Variants in VWC2 observed in about 807,000 individuals in gnomAD.
VWC2 encodes the protein von Willebrand factor C domain containing 2.
In VWC2, 14 loss-of-function variants were observed where a neutral mutation model predicts 29.8. The observed-to-expected ratio is 0.47, with a 90% CI of 0.31 to 0.74. The LOEUF is 0.74. Ranked by LOEUF, VWC2 falls within the 30% of genes least tolerant of loss-of-function variation. The probability of loss-of-function intolerance (pLI) is 0.05; values close to 1 mark genes in which losing one functional copy is unlikely to be tolerated. For synonymous variants in VWC2, 213 were observed against 199.0 expected (o/e 1.07, Z -0.59); for missense variants, 457 against 459.8 (o/e 0.99, Z 0.05).
At chr7:49,818,641 C>A (rs1583648625) in intron 3 of VWC2, among the ~76,000 whole-genome samples, 1 of 151,762 alleles carries the variant, frequency 6.6e-6, no homozygotes, top group South Asian at 2.1e-4. Flanking sequence ...TCTGGCTAGA[C>A]CTGCTGCCGG....
chr7:49,789,035 T>G (rs1245660289), intron 2 of VWC2, among the ~76,000 whole-genome samples: 3 of 143,764 alleles, frequency 2.1e-5, no homozygotes, highest in African/African-American at 8.4e-5. Context: ...AGCGTGTGGG[T>G]GCATGTGTGA....
chr7:49,921,194 G>A lies in VWC2; in HGVS notation c.*9009G>A, dbSNP rs954861432. 7.2e-5 allele frequency: 11 copies of A among 152,230 alleles called. No individual in the cohort carries two copies. Among genetic ancestry groups the A allele is most frequent in the African/African-American group, 2.4e-4 (10 of 41,444 alleles). The allele number at this position is 152,230 out of a possible 1,614,324, so 9.4% of individuals were successfully genotyped here. On this transcript the variant is annotated 3_prime_UTR_variant, in exon 4 of 4. Transcript: ENST00000340652. ...AGAGGAGAGCAAACTGATCAAAAGGGAATGCCCATGATGCTTTCAGGAAAC... is the reference window on the plus strand; with the variant it reads ...AGAGGAGAGCAAACTGATCAAAAGGAAATGCCCATGATGCTTTCAGGAAAC...
At chr7:49,878,011 T>C (rs144599509) in intron 3 of VWC2, among the ~76,000 whole-genome samples, 10 of 152,232 alleles carry the variant, frequency 6.6e-5, no homozygotes, top group Admixed American at 2.0e-4. Flanking sequence ...GGATGACTGA[T>C]GGTCTTTTAT....
At chr7:49,873,838 T>C (rs1791281738) in intron 3 of VWC2, among the ~76,000 whole-genome samples, 2 of 151,764 alleles carry the variant, frequency 1.3e-5, no homozygotes, top group African/African-American at 4.8e-5. Context: ...GGAATATTCA[T>C]ATAATGTACT....
intron 2 of VWC2, among the ~76,000 whole-genome samples, chr7:49,794,906 C>G (rs1788550985): frequency 6.6e-6 from 1 of 152,194 alleles, no homozygotes; most frequent in South Asian, 2.1e-4. Context: ...TACTTCCAGC[C>G]AGAAGTGACA....
intron 3 of VWC2, among the ~76,000 whole-genome samples, chr7:49,807,413 G>A (rs1163258232): frequency 2.0e-5 from 3 of 152,172 alleles, no homozygotes; most frequent in East Asian, 1.9e-4. Context: ...TAATTAGCCC[G>A]TTGTGGTTTG....
chr7:49,777,561 A>T (rs1396524794), intron 2 of VWC2, among the ~76,000 whole-genome samples: 2 of 152,186 alleles, frequency 1.3e-5, no homozygotes, highest in African/African-American at 4.8e-5. Context: ...CCCTAGGCTC[A>T]TGTAGCAAAA....
In VWC2 at chr7:49,789,252, G is replaced by A. The variant is rs1030326572; in HGVS notation, c.696+13121G>A. On this transcript the variant is annotated intron_variant, in intron 2 of 3. Coordinates refer to ENST00000340652, the MANE Select transcript of VWC2 (RefSeq NM_198570.5). The stretch of plus-strand genomic sequence containing the variant: ...GAGTGTGTGAAAGAGTGTAGGTGTG[G>A]GAGTGGGTGTGTGTGAGCGGGTGTG... Among the ~76,000 whole-genome samples, 8 of 142,474 alleles carry A rather than the reference G, an allele frequency of 5.6e-5. 1 individual carries two copies. The highest frequency in any genetic ancestry group is 1.9e-4 in the African/African-American group (7 of 37,124). The allele number at this position is 142,474 out of a possible 152,430, so 93.5% of individuals were successfully genotyped here.
chr7:49,881,491 G>A lies in VWC2; in HGVS notation c.827-30543G>A, dbSNP rs372272194. 3.1e-4 allele frequency among the ~76,000 whole-genome samples: 47 copies of A among 152,216 alleles called. No individual in the cohort carries two copies. In the East Asian group the frequency reaches 3.9e-3, roughly 12 times the overall value. ...CCTCACCTCTACCCATGCACAAAAC[G>A]TCCTGTCTCTTTTGACTGTGGCCTT... On this transcript the variant is annotated intron_variant, in intron 3 of 3. Coordinates refer to ENST00000340652, the MANE Select transcript of VWC2 (RefSeq NM_198570.5).
chr7:49,907,168 G>T (rs778028061), intron 3 of VWC2, among the ~76,000 whole-genome samples: 2 of 152,170 alleles, frequency 1.3e-5, no homozygotes, highest in Non-Finnish European at 2.9e-5. Context: ...AAAGAAAAAT[G>T]AGGAAATAAT....
chr7:49,839,951 T>C (rs1188212433), intron 3 of VWC2, among the ~76,000 whole-genome samples: 2 of 152,246 alleles, frequency 1.3e-5, no homozygotes, highest in Non-Finnish European at 2.9e-5. Context: ...CAGATCATGT[T>C]TTCCTAAAGT....
intron 3 of VWC2, among the ~76,000 whole-genome samples, chr7:49,843,971 A>G (rs567091467): frequency 6.6e-6 from 1 of 152,320 alleles, no homozygotes; most frequent in Non-Finnish European, 1.5e-5. Context: ...ACAGGGGCCT[A>G]TGTGTAAGGG....
intron 3 of VWC2, among the ~76,000 whole-genome samples, chr7:49,807,841 G>A (rs1036869305): frequency 6.6e-6 from 1 of 152,106 alleles, no homozygotes; most frequent in Non-Finnish European, 1.5e-5. Flanking sequence ...CACATGTTTT[G>A]AGAAAATATT....
intron 2 of VWC2, among the ~76,000 whole-genome samples, chr7:49,794,459 C>G (rs750876901): frequency 6.6e-6 from 1 of 152,194 alleles, no homozygotes; most frequent in Non-Finnish European, 1.5e-5. Context: ...GAATTTGCAT[C>G]CATGCCTGTT....
chr7:49,828,795 GC>G (rs1188113494), intron 3 of VWC2, among the ~76,000 whole-genome samples: 1 of 152,160 alleles, frequency 6.6e-6, no homozygotes, highest in East Asian at 1.9e-4. Flanking sequence ...CCAATCCAGA[GC>G]CCACTCCCTC....
rs185974215 is a variant in VWC2 at position 49,830,795 on chromosome 7, T to C, written c.826+27955T>C. Among the ~76,000 whole-genome samples the C allele has an allele frequency of 5.3e-3, 811 of 152,272 alleles. 6 individuals are homozygous for C. Among genetic ancestry groups the C allele is most frequent in the African/African-American group, 0.018 (753 of 41,548 alleles). ...TTGGTTTTTTGTCCTTGCGATAGTT[T>C]GCTGAGAATGATGATTTCCAGCTTC... On this transcript the variant is annotated intron_variant, in intron 3 of 3. Coordinates refer to ENST00000340652, the MANE Select transcript of VWC2 (RefSeq NM_198570.5).
Position 49,775,391 on chromosome 7 carries a change from T to G in VWC2, c.-45T>G. On this transcript the variant is annotated 5_prime_UTR_variant, in exon 2 of 4. Transcript: ENST00000340652. Reference sequence around the variant, plus strand: ...CCGGGCTGTGAATGCGACTCGCCCCTCGGCCGCGCTCCCCGCCCGCCCGCC... The same window carrying G: ...CCGGGCTGTGAATGCGACTCGCCCCGCGGCCGCGCTCCCCGCCCGCCCGCC... 7.5e-7 allele frequency: 1 copy of G among 1,328,470 alleles called. No homozygotes were observed. Among genetic ancestry groups the G allele is most frequent in the Non-Finnish European group, 9.6e-7 (1 of 1,041,936 alleles). The allele number at this position is 1,328,470 out of a possible 1,614,324, so 82.3% of individuals were successfully genotyped here.
intron 3 of VWC2, among the ~76,000 whole-genome samples, chr7:49,868,158 G>C (rs570589654): frequency 6.6e-6 from 1 of 152,072 alleles, no homozygotes; most frequent in Admixed American, 6.6e-5. Context: ...TATAAGTGAG[G>C]AAAACCCAAG....
intron 2 of VWC2, among the ~76,000 whole-genome samples, chr7:49,788,850 ATG>A (rs1277365329): frequency 7.8e-5 from 8 of 102,020 alleles, no homozygotes; most frequent in South Asian, 3.6e-4. Flanking sequence ...GTGTGTGAGC[ATG>A]TGTGTGAGCG....
Sources: gnomAD v4.1 joint callset for allele counts (sites outside exome capture counted in the v4.1 genomes callset) on GRCh38, gnomAD v4.1.1 for gene constraint, MANE v1.5 for transcripts, NCBI Gene and HGNC (gene_info 2026-07-23, HGNC 2026-07-21) for gene names.